The following PDE10A variants were observed in gnomAD, a reference collection of about 807,000 sequenced individuals.
The protein encoded by PDE10A is phosphodiesterase 10A.
Under a neutral mutation model 97.7 loss-of-function variants are expected in PDE10A, and 39 were observed. The ratio of observed to expected loss-of-function variants is 0.40; its 90% confidence interval spans 0.31 to 0.52. The LOEUF (loss-of-function observed/expected upper bound fraction) is 0.52. Ranked by LOEUF, PDE10A falls within the 20% of genes least tolerant of loss-of-function variation. The pLI is 0.56. For synonymous variants in PDE10A, 371 were observed against 376.8 expected, an observed-to-expected ratio of 0.98 and a Z score of 0.18; for missense variants, 731 against 1,047.8, an observed-to-expected ratio of 0.70 and a Z score of 4.17.
intron 1 of PDE10A, among the ~76,000 whole-genome samples, chr6:165,675,261 CT>C (rs1463646643): frequency 4.6e-5 from 7 of 152,066 alleles, no homozygotes; most frequent in Non-Finnish European, 7.4e-5. Context: ...TGAACATGTG[CT>C]AAGCAGAAAG....
At chr6:165,393,900 T>C (rs780351516) in intron 15 of PDE10A, among the ~76,000 whole-genome samples, 118 of 152,178 alleles carry the variant, frequency 7.8e-4, no homozygotes, top group Middle Eastern at 3.4e-3. Context: ...CAGGCCAAAG[T>C]GGGTGGGGAA....
chr6:165,954,973 C>G (rs1784087491), intron 1 of PDE10A, among the ~76,000 whole-genome samples: 2 of 152,138 alleles, frequency 1.3e-5, no homozygotes, highest in African/African-American at 4.8e-5. Context: ...CAACGTAGCT[C>G]CAGCCTGGCC....
intron 1 of PDE10A, among the ~76,000 whole-genome samples, chr6:165,557,062 C>A (rs1343409227): frequency 6.6e-6 from 1 of 152,076 alleles, no homozygotes; most frequent in Non-Finnish European, 1.5e-5. Context: ...TCGCTTGAAC[C>A]CAGGAGACGG....
At chr6:165,806,109 CTCTA>C (rs534435200) in intron 1 of PDE10A, among the ~76,000 whole-genome samples, 98 of 147,470 alleles carry the variant, frequency 6.6e-4, no homozygotes, top group Non-Finnish European at 1.1e-3. Flanking sequence ...GGGCCTCATC[CTCTA>C]TCTATACATT....
At chr6:165,474,834 C>A (rs1021403714) in intron 3 of PDE10A, among the ~76,000 whole-genome samples, 1 of 152,136 alleles carries the variant, frequency 6.6e-6, no homozygotes, top group Non-Finnish European at 1.5e-5. Context: ...TAAAACTAGA[C>A]TCCATAAGGA....
chr6:165,369,715 G>A (rs1206912373), intron 18 of PDE10A, among the ~76,000 whole-genome samples: 5 of 138,960 alleles, frequency 3.6e-5, no homozygotes, highest in Non-Finnish European at 6.1e-5. Flanking sequence ...TCAGGTTCAG[G>A]AAATACAGAG....
intron 1 of PDE10A, among the ~76,000 whole-genome samples, chr6:165,901,733 T>C (rs6920052): frequency 0.094 from 14,314 of 151,494 alleles, 836 homozygotes; most frequent in African/African-American, 0.16. Flanking sequence ...ACTTGGGAGG[T>C]GGAGGTTGTG....
intron 1 of PDE10A, among the ~76,000 whole-genome samples, chr6:165,726,089 T>C (rs1792287414): frequency 6.6e-6 from 1 of 152,190 alleles, no homozygotes; most frequent in Admixed American, 6.5e-5. Context: ...CATAATATGT[T>C]GTATTCCTGT....
intron 1 of PDE10A, among the ~76,000 whole-genome samples, chr6:165,715,028 A>T (rs1340912119): frequency 6.6e-6 from 1 of 152,254 alleles, no homozygotes; most frequent in Non-Finnish European, 1.5e-5. Flanking sequence ...GCAGGGCAGG[A>T]GTGCCTGGGC....
chr6:165,428,649 A>G lies in PDE10A; in HGVS notation c.1653+9T>C, dbSNP rs1433667899. The G allele has an allele frequency of 7.1e-6, 9 of 1,262,380 alleles. No individual in the cohort carries two copies. The highest frequency in any genetic ancestry group is 1.0e-5 in the Non-Finnish European group (9 of 872,830). The allele number at this position is 1,262,380 out of a possible 1,614,324, so 78.2% of individuals were successfully genotyped here. ...AAACAGAATCATACTCAGAACAAAA[A>G]CAACCTACCATTATGTGTTCAAGTA... On this transcript the variant is annotated intron_variant, in intron 10 of 21. Transcript: ENST00000539869.
chr6:165,337,729 G>A (rs978120027), intron 20 of PDE10A, among the ~76,000 whole-genome samples: 5 of 152,072 alleles, frequency 3.3e-5, no homozygotes, highest in African/African-American at 1.2e-4. Flanking sequence ...TAAAACAAAC[G>A]ATTATCTTAG....
intron 1 of PDE10A, chr6:165,576,594 G>T (rs550809013): frequency 9.3e-6 from 6 of 643,024 alleles, no homozygotes; most frequent in Non-Finnish European, 1.7e-5. Flanking sequence ...TCTCAGCATG[G>T]CTACACTTTA....
chr6:165,954,962 T>A (rs705791), intron 1 of PDE10A, among the ~76,000 whole-genome samples: 7 of 151,792 alleles, frequency 4.6e-5, no homozygotes, highest in Non-Finnish European at 8.8e-5. Flanking sequence ...CTCAACAAAC[T>A]CAACGTAGCT....
At chr6:165,513,669 T>G (rs1234770435) in intron 2 of PDE10A, among the ~76,000 whole-genome samples, 1 of 152,134 alleles carries the variant, frequency 6.6e-6, no homozygotes, top group Non-Finnish European at 1.5e-5. Flanking sequence ...AAATCTGTCT[T>G]CATTCATTTC....
intron 1 of PDE10A, among the ~76,000 whole-genome samples, chr6:165,823,659 T>C (rs2128469608): frequency 7.7e-6 from 1 of 129,770 alleles, no homozygotes; most frequent in South Asian, 2.4e-4. Flanking sequence ...ACAGAATCGT[T>C]TATTGTCATT....
intron 1 of PDE10A, among the ~76,000 whole-genome samples, chr6:165,912,421 C>T (rs954206260): frequency 7.2e-5 from 11 of 152,160 alleles, no homozygotes; most frequent in African/African-American, 1.2e-4. Flanking sequence ...TTGATGGGAG[C>T]GTTCTCAGCT....
At chr6:165,749,669 G>A (rs1792952341) in intron 1 of PDE10A, among the ~76,000 whole-genome samples, 1 of 152,232 alleles carries the variant, frequency 6.6e-6, no homozygotes, top group African/African-American at 2.4e-5. Flanking sequence ...CACACTTACA[G>A]ATTAATTCTG....
At chr6:165,537,118 T>C (rs117343043) in intron 2 of PDE10A, among the ~76,000 whole-genome samples, 1,941 of 151,820 alleles carry the variant, frequency 0.013, 19 homozygotes, top group Non-Finnish European at 0.017. Context: ...CCATGAAAAA[T>C]ACAACCCTAT....
intron 5 of PDE10A, among the ~76,000 whole-genome samples, chr6:165,440,142 T>A (rs1039092124): frequency 6.6e-6 from 1 of 152,214 alleles, no homozygotes; most frequent in Admixed American, 6.5e-5. Context: ...TTTACATCTA[T>A]GTAGACGGCC....
Sources: allele counts gnomAD v4.1 joint callset (sites outside exome capture counted in the v4.1 genomes callset), GRCh38; gene constraint gnomAD v4.1.1; transcripts MANE v1.5; gene names NCBI Gene and HGNC (gene_info 2026-07-23, HGNC 2026-07-21).